Variants in THEMIS observed in about 807,000 individuals in gnomAD.
THEMIS encodes thymocyte selection associated.
THEMIS carries 37 observed loss-of-function variants against 52.6 expected under a neutral mutation model. The observed-to-expected ratio is 0.70, with a 90% CI of 0.54 to 0.93. THEMIS has a LOEUF of 0.93. THEMIS is among the 40% of genes least tolerant of loss of function. The pLI is 0.00. For missense variants in THEMIS, 808 were observed against 763.1 expected, an observed-to-expected ratio of 1.06 and a Z score of -0.69; for synonymous variants, 292 against 272.7, an observed-to-expected ratio of 1.07 and a Z score of -0.70.
chr6:127,849,887 G>T (rs907313856), intron 2 of THEMIS, among the ~76,000 whole-genome samples: 2 of 151,916 alleles, frequency 1.3e-5, no homozygotes, highest in Non-Finnish European at 2.9e-5. Context: ...ATAAATAAAT[G>T]GGACCTAATT....
At chr6:127,788,797 C>T (rs988174457) in intron 4 of THEMIS, among the ~76,000 whole-genome samples, 5 of 151,982 alleles carry the variant, frequency 3.3e-5, no homozygotes, top group African/African-American at 1.2e-4. Flanking sequence ...TCCAGGAAGA[C>T]AAAATATTAC....
intron 2 of THEMIS, among the ~76,000 whole-genome samples, chr6:127,852,824 C>T (rs1429906427): frequency 1.3e-5 from 2 of 151,402 alleles, no homozygotes; most frequent in Non-Finnish European, 3.0e-5. Flanking sequence ...AGAAACTATA[C>T]CCTGACCAGT....
intron 2 of THEMIS, among the ~76,000 whole-genome samples, chr6:127,848,061 C>T: frequency 1.6e-5 from 1 of 63,946 alleles, no homozygotes. Flanking sequence ...AATGCTATCC[C>T]TCCCCCCTCC....
In THEMIS at chr6:127,891,295, C is replaced by T. The variant is rs1461884651; in HGVS notation, c.91+9547G>A. On this transcript the variant is annotated intron_variant, in intron 1 of 5. Transcript: ENST00000368248. Reference sequence around the variant, plus strand: ...CCTGTAATCCCAGCAGTTTGGGAGGCCAAGGCAGATGGATCACCTGAGGTC... The same window carrying T: ...CCTGTAATCCCAGCAGTTTGGGAGGTCAAGGCAGATGGATCACCTGAGGTC... Among the ~76,000 whole-genome samples the T allele has an allele frequency of 5.3e-5, 8 of 151,954 alleles. No homozygotes were observed. In the East Asian group the frequency reaches 1.2e-3, roughly 22 times the overall value.
At chr6:127,859,516 AG>A (rs1562305580) in intron 1 of THEMIS, among the ~76,000 whole-genome samples, 1 of 152,122 alleles carries the variant, frequency 6.6e-6, no homozygotes, top group Non-Finnish European at 1.5e-5. Flanking sequence ...TTAGATGATT[AG>A]TGAATGTTGT....
intron 4 of THEMIS, among the ~76,000 whole-genome samples, chr6:127,756,527 T>G (rs1001833586): frequency 6.6e-5 from 10 of 152,222 alleles, no homozygotes; most frequent in Non-Finnish European, 1.5e-4. Context: ...GAAGCTTTTT[T>G]TTCCTGAAAG....
At chr6:127,745,631 T>C (rs879449006) in intron 4 of THEMIS, among the ~76,000 whole-genome samples, 1 of 151,846 alleles carries the variant, frequency 6.6e-6, no homozygotes, top group South Asian at 2.1e-4. Flanking sequence ...TTTAGTGCAA[T>C]GGAAAAAAAT....
Position 127,775,650 on chromosome 6 carries a change from T to G in THEMIS, c.1758+37233A>C, listed in dbSNP as rs530226434. Among the ~76,000 whole-genome samples the G allele has an allele frequency of 1.7e-3, 251 of 152,088 alleles. 1 individual carries two copies. The highest frequency in any genetic ancestry group is 5.9e-3 in the African/African-American group (244 of 41,484). The stretch of plus-strand genomic sequence containing the variant: ...AATTATTTCATGCTTTTTTTTTTTT[T>G]GCAGTGAATGTTCCCCACCCCTGGC... On this transcript the variant is annotated intron_variant, in intron 4 of 5. Coordinates refer to ENST00000368248, the MANE Select transcript of THEMIS (RefSeq NM_001010923.3).
chr6:127,897,096 A>T (rs1780991303), intron 1 of THEMIS, among the ~76,000 whole-genome samples: 1 of 151,400 alleles, frequency 6.6e-6, no homozygotes, highest in African/African-American at 2.4e-5. Context: ...GCACCAATTG[A>T]CTCTGTAGAA....
intron 2 of THEMIS, among the ~76,000 whole-genome samples, chr6:127,830,412 C>T (rs954507498): frequency 1.3e-5 from 2 of 152,024 alleles, no homozygotes; most frequent in Non-Finnish European, 2.9e-5. Flanking sequence ...TGATTAAAAG[C>T]TATATAGCTG....
intron 4 of THEMIS, among the ~76,000 whole-genome samples, chr6:127,792,078 T>A (rs910898953): frequency 6.6e-6 from 1 of 152,116 alleles, no homozygotes; most frequent in Non-Finnish European, 1.5e-5. Flanking sequence ...GGGCATGGCT[T>A]CCACCTGTTC....
At chr6:127,807,244 C>A (rs1777745624) in intron 4 of THEMIS, 2 of 194,582 alleles carry the variant, frequency 1.0e-5, no homozygotes, top group Non-Finnish European at 2.2e-5. Context: ...GCCTGTAATC[C>A]CAGCTACGTG....
chr6:127,758,163 TA>T (rs1352801384), intron 4 of THEMIS, among the ~76,000 whole-genome samples: 1 of 150,700 alleles, frequency 6.6e-6, no homozygotes, highest in East Asian at 1.9e-4. Flanking sequence ...AAGAATAGAA[TA>T]AAAATAAGAT....
intron 4 of THEMIS, among the ~76,000 whole-genome samples, chr6:127,810,209 T>C (rs897287405): frequency 1.1e-4 from 16 of 152,240 alleles, no homozygotes; most frequent in Admixed American, 8.5e-4. Context: ...CCTTTTTTTT[T>C]CCCTATGAGT....
downstream of THEMIS, among the ~76,000 whole-genome samples, chr6:127,706,880 G>A (rs1373713895): frequency 6.6e-6 from 1 of 152,104 alleles, no homozygotes; most frequent in Non-Finnish European, 1.5e-5. Flanking sequence ...GCCCTGGCAT[G>A]GTTGATGAAT....
At chr6:127,781,224 C>T (rs1248083307) in intron 4 of THEMIS, among the ~76,000 whole-genome samples, 5 of 151,532 alleles carry the variant, frequency 3.3e-5, no homozygotes, top group African/African-American at 7.3e-5. Context: ...GTTCTTGTGC[C>T]GTGTTTTTCA....
At position 127,709,896 on chromosome 6, in the gene THEMIS, G is replaced by C. The variant is rs1773915796; in HGVS notation, c.*89C>G. ...ATCAAGTTTCTTCTGGAGTCCATTG[G>C]GGAATACTCGTTTTTCAGCTAGAAG... On this transcript the variant is annotated 3_prime_UTR_variant, in exon 6 of 6. Coordinates refer to ENST00000368248, the MANE Select transcript of THEMIS (RefSeq NM_001010923.3). 3.5e-6 allele frequency: 4 copies of C among 1,158,110 alleles called. No individual in the cohort carries two copies. Among genetic ancestry groups the C allele is most frequent in the South Asian group, 1.4e-5 (1 of 72,282 alleles). The allele number at this position is 1,158,110 out of a possible 1,614,324, so 71.7% of individuals were successfully genotyped here.
chr6:127,737,029 C>A (rs1189280890), intron 4 of THEMIS, among the ~76,000 whole-genome samples: 1 of 151,980 alleles, frequency 6.6e-6, no homozygotes, highest in African/African-American at 2.4e-5. Context: ...TTCACTGTTG[C>A]CTTTAAAGTT....
chr6:127,719,232 A>T (rs2114482591), intron 5 of THEMIS, among the ~76,000 whole-genome samples: 1 of 152,054 alleles, frequency 6.6e-6, no homozygotes, highest in Non-Finnish European at 1.5e-5. Context: ...TTTTGCACTC[A>T]GTAGAGATGA....
Sources: gnomAD v4.1 joint callset for allele counts (sites outside exome capture counted in the v4.1 genomes callset) on GRCh38, gnomAD v4.1.1 for gene constraint, MANE v1.5 for transcripts, NCBI Gene and HGNC (gene_info 2026-07-23, HGNC 2026-07-21) for gene names.